The following CEP63 variants were observed in gnomAD, a reference collection of about 807,000 sequenced individuals.
CEP63 encodes the protein centrosomal protein 63.
Under a neutral mutation model 89.1 loss-of-function variants are expected in CEP63, and 84 were observed. That is an observed-to-expected ratio of 0.94 (90% confidence interval 0.79 to 1.13). CEP63 has a LOEUF of 1.13. Among genes scored for constraint, CEP63 ranks in the 50% most tolerant of loss-of-function variants. The probability of loss-of-function intolerance (pLI) is 0.00; values close to 1 mark genes in which losing one functional copy is unlikely to be tolerated. For synonymous variants in CEP63, 267 were observed against 272.5 expected, an observed-to-expected ratio of 0.98 and a Z score of 0.20; for missense variants, 838 against 813.3, an observed-to-expected ratio of 1.03 and a Z score of -0.37.
the CEP63 span, chr3:134,624,923 A>G: frequency 3.8e-6 from 3 of 780,022 alleles, no homozygotes; most frequent in South Asian, 4.9e-5. Context: ...ATGCTATGAA[A>G]AGGCATTCCA....
the CEP63 span, chr3:134,651,200 TC>T: frequency 7.5e-7 from 1 of 1,328,546 alleles, no homozygotes. Context: ...TGAAAGGAAA[TC>T]CCCGGGCCCA....
intron 3 of CEP63, among the ~76,000 whole-genome samples, chr3:134,513,983 AC>A (rs964576200): frequency 6.6e-6 from 1 of 152,222 alleles, no homozygotes; most frequent in African/African-American, 2.4e-5. Flanking sequence ...ACCTGAGACA[AC>A]AAAGACCAGG....
chr3:134,551,421 T>C (rs1215712157), intron 11 of CEP63, among the ~76,000 whole-genome samples: 2 of 152,080 alleles, frequency 1.3e-5, no homozygotes, highest in African/African-American at 4.8e-5. Context: ...GGAAATCAGA[T>C]AGTTTTTGCC....
chr3:134,729,021 A>G, the CEP63 span, among the ~76,000 whole-genome samples: 3 of 152,192 alleles, frequency 2.0e-5, no homozygotes, highest in Admixed American at 2.0e-4. Flanking sequence ...ACATGCACAC[A>G]TATAATAAAA....
chr3:134,508,368 C>G (rs563243284), intron 3 of CEP63, among the ~76,000 whole-genome samples: 1 of 152,014 alleles, frequency 6.6e-6, no homozygotes, highest in South Asian at 2.1e-4. Context: ...ACACACCATG[C>G]GAAAATACAG....
the CEP63 span, among the ~76,000 whole-genome samples, chr3:134,733,001 G>C: frequency 6.6e-6 from 1 of 152,162 alleles, no homozygotes; most frequent in Non-Finnish European, 1.5e-5. Flanking sequence ...AGTGTTCACA[G>C]AGCAATGTAA....
At chr3:134,519,297 C>CT (rs796340641) in intron 3 of CEP63, among the ~76,000 whole-genome samples, 112 of 144,590 alleles carry the variant, frequency 7.7e-4, no homozygotes, top group East Asian at 1.0e-3. Context: ...CTAATTTTTG[C>CT]TTTTTTTTTT....
At chr3:134,673,343 A>G in the CEP63 span, among the ~76,000 whole-genome samples, 1 of 151,886 alleles carries the variant, frequency 6.6e-6, no homozygotes, top group Admixed American at 6.6e-5. Context: ...AAGCCATTGG[A>G]CTTCCTGGAG....
intron 2 of CEP63, among the ~76,000 whole-genome samples, chr3:134,504,374 A>G (rs1205634698): frequency 6.6e-6 from 1 of 152,112 alleles, no homozygotes; most frequent in East Asian, 1.9e-4. Context: ...ATTCTTAGAC[A>G]CCAGTTTTAT....
At chr3:134,604,469 C>T in the CEP63 span, 1 of 1,602,588 alleles carries the variant, frequency 6.2e-7, no homozygotes, top group East Asian at 2.2e-5. Context: ...GTGGCCTTCC[C>T]ATTCACTGAG....
At chr3:134,619,236 C>A in the CEP63 span, 11 of 1,613,910 alleles carry the variant, frequency 6.8e-6, no homozygotes, top group Non-Finnish European at 9.3e-6. Context: ...GCTTGGCGGT[C>A]CTTCTCCTGA....
At chr3:134,586,789 C>T (rs950464205) in intron 10 of CEP63, among the ~76,000 whole-genome samples, 8 of 152,108 alleles carry the variant, frequency 5.3e-5, no homozygotes, top group Non-Finnish European at 8.8e-5. Context: ...AGAGTGTTTT[C>T]GAACTTGGTT....
the CEP63 span, chr3:134,627,960 T>G: frequency 1.3e-5 from 9 of 670,428 alleles, no homozygotes; most frequent in Admixed American, 6.9e-5. Context: ...CCCACCCCAC[T>G]GACCACTGAA....
the CEP63 span, among the ~76,000 whole-genome samples, chr3:134,720,904 A>G: frequency 3.9e-5 from 6 of 152,122 alleles, no homozygotes; most frequent in African/African-American, 1.4e-4. Flanking sequence ...TGAAATCAGG[A>G]AGTGTGAGTC....
chr3:134,720,533 G>A, the CEP63 span, among the ~76,000 whole-genome samples: 1 of 152,040 alleles, frequency 6.6e-6, no homozygotes, highest in Non-Finnish European at 1.5e-5. Flanking sequence ...AAACAATTCA[G>A]GGCAAGCCTT....
At chr3:134,703,594 G>T in the CEP63 span, among the ~76,000 whole-genome samples, 7 of 152,016 alleles carry the variant, frequency 4.6e-5, no homozygotes, top group Admixed American at 2.6e-4. Context: ...TGGACACATG[G>T]CCGGGGGGAA....
At position 134,564,196 on chromosome 3, in the gene CEP63, C is replaced by T. The variant is rs1421872156; in HGVS notation, c.*2661C>T. The T allele has an allele frequency of 6.3e-6, 6 of 955,846 alleles. No homozygotes were observed. Among genetic ancestry groups the T allele is most frequent in the Non-Finnish European group, 7.5e-6 (6 of 803,064 alleles). 59.2% of individuals were successfully genotyped at this position (955,846 alleles called of 1,614,324 possible). A position where few individuals can be genotyped will look rare whatever the true frequency, so the allele number is the denominator to read the frequency against. On this transcript the variant is annotated 3_prime_UTR_variant, in exon 15 of 15. Coordinates refer to ENST00000675561, the MANE Select transcript of CEP63 (RefSeq NM_001353108.3). ...CTGGTTCATGGTGGGATCCTCATCA[C>T]CCAGCACAAGCCCAACACTTAGGAG...
chr3:134,542,170 G>C (rs1347742373), intron 6 of CEP63, among the ~76,000 whole-genome samples: 1 of 152,166 alleles, frequency 6.6e-6, no homozygotes, highest in African/African-American at 2.4e-5. Context: ...GAAATACTTA[G>C]ATGAGCTGTA....
At chr3:134,487,631 T>G (rs1441714247) in intron 1 of CEP63, among the ~76,000 whole-genome samples, 1 of 152,236 alleles carries the variant, frequency 6.6e-6, no homozygotes, top group Non-Finnish European at 1.5e-5. Context: ...TTTCAGGAAC[T>G]GAATCTCCGA....
Sources: gnomAD v4.1 joint callset for allele counts (sites outside exome capture counted in the v4.1 genomes callset) on GRCh38, gnomAD v4.1.1 for gene constraint, MANE v1.5 for transcripts, NCBI Gene and HGNC (gene_info 2026-07-23, HGNC 2026-07-21) for gene names.